SNX29: variants seen among roughly 807,000 people sequenced by gnomAD.
The protein encoded by SNX29 is sorting nexin 29, also known as sorting nexin-29.
Under a neutral mutation model 102.1 loss-of-function variants are expected in SNX29, and 78 were observed. The ratio of observed to expected loss-of-function variants is 0.76; its 90% CI spans 0.64 to 0.92. The LOEUF (loss-of-function observed/expected upper bound fraction) is 0.92, where lower values mean the gene tolerates loss of function less well. Among genes scored for constraint, SNX29 ranks in the 40% least tolerant of loss-of-function variants. The probability of loss-of-function intolerance (pLI) is 0.00; values close to 1 mark genes in which losing one functional copy is unlikely to be tolerated. For synonymous variants in SNX29, 580 were observed against 414.5 expected (o/e 1.40, Z -4.85); for missense variants, 1,280 against 1,061.7 (o/e 1.21, Z -2.86).
At chr16:12,039,668 C>A (rs2057573416) in intron 4 of SNX29, among the ~76,000 whole-genome samples, 1 of 152,216 alleles carries the variant, frequency 6.6e-6, no homozygotes, top group Non-Finnish European at 1.5e-5. Context: ...CCAGGTCTGA[C>A]TGTAAAGACT....
intron 20 of SNX29, among the ~76,000 whole-genome samples, chr16:12,564,085 A>T (rs185670930): frequency 2.7e-5 from 4 of 149,882 alleles, no homozygotes; most frequent in East Asian, 4.1e-4. Flanking sequence ...GGAGTTTGTA[A>T]TATCTTTGTA....
At chr16:12,097,842 G>C (rs949242242) in intron 11 of SNX29, among the ~76,000 whole-genome samples, 1 of 152,192 alleles carries the variant, frequency 6.6e-6, no homozygotes, top group Non-Finnish European at 1.5e-5. Flanking sequence ...GTTTGAGCTG[G>C]GACAGCTCAG....
chr16:12,030,317 G>C (rs73515646), intron 4 of SNX29, among the ~76,000 whole-genome samples: 2,674 of 152,272 alleles, frequency 0.018, 77 homozygotes, highest in African/African-American at 0.06. Flanking sequence ...TCTGTCTCAT[G>C]AATGTCTCTA....
At chr16:12,263,817 C>G (rs1435518927) in intron 14 of SNX29, among the ~76,000 whole-genome samples, 1 of 152,064 alleles carries the variant, frequency 6.6e-6, no homozygotes, top group Non-Finnish European at 1.5e-5. Flanking sequence ...AGGTATTGGT[C>G]AGTAATTCAG....
rs369084160 is a variant in SNX29 at position 12,421,952 on chromosome 16, C to G, written c.2037+18423C>G. On this transcript the variant is annotated intron_variant, in intron 18 of 20. Transcript: ENST00000566228. The stretch of plus-strand genomic sequence containing the variant: ...TCATCCGTCCATCATCCATCACCAT[C>G]ATCAACCACCCATCACAGGCATCAT... 4.6e-5 allele frequency among the ~76,000 whole-genome samples: 7 copies of G among 152,038 alleles called. No homozygotes were observed. In the South Asian group the frequency reaches 8.3e-4, roughly 18 times the overall value.
At chr16:12,250,410 C>T (rs1273984592) in intron 14 of SNX29, among the ~76,000 whole-genome samples, 1 of 152,176 alleles carries the variant, frequency 6.6e-6, no homozygotes, top group Non-Finnish European at 1.5e-5. Context: ...GCCATTCGGC[C>T]TCATGTTGCA....
chr16:12,238,012 A>G (rs1344645591), intron 14 of SNX29, among the ~76,000 whole-genome samples: 1 of 152,224 alleles, frequency 6.6e-6, no homozygotes, highest in African/African-American at 2.4e-5. Context: ...TGACATGCAT[A>G]GCAGCTGAGG....
intron 14 of SNX29, among the ~76,000 whole-genome samples, chr16:12,232,812 C>G (rs1567338920): frequency 6.6e-6 from 1 of 152,208 alleles, no homozygotes; most frequent in Non-Finnish European, 1.5e-5. Context: ...GAAGTCAGCA[C>G]ACATTGGTCC....
chr16:12,412,678 T>C (rs890589161), intron 18 of SNX29, among the ~76,000 whole-genome samples: 7 of 152,248 alleles, frequency 4.6e-5, no homozygotes, highest in African/African-American at 1.7e-4. Flanking sequence ...TGCATGTGTT[T>C]TTGTGTGTGT....
At chr16:12,483,880 C>G (rs2088096204) in intron 19 of SNX29, among the ~76,000 whole-genome samples, 1 of 152,178 alleles carries the variant, frequency 6.6e-6, no homozygotes, top group African/African-American at 2.4e-5. Context: ...CATGGAAATT[C>G]CACTTGCATT....
At chr16:12,555,284 C>T (rs2078260513) in intron 20 of SNX29, among the ~76,000 whole-genome samples, 1 of 151,416 alleles carries the variant, frequency 6.6e-6, no homozygotes, top group South Asian at 2.1e-4. Context: ...TCCCAGAGAG[C>T]AGGGGTGCTG....
chr16:12,292,145 C>G (rs1291413078), intron 15 of SNX29, among the ~76,000 whole-genome samples: 1 of 151,996 alleles, frequency 6.6e-6, no homozygotes, highest in Non-Finnish European at 1.5e-5. Flanking sequence ...AGGACCTTGC[C>G]AGTGAGACAG....
At position 12,571,299 on chromosome 16, in the gene SNX29, T is replaced by C. The variant is rs1001639819; in HGVS notation, c.*2670T>C. 8.6e-6 allele frequency: 2 copies of C among 231,890 alleles called. No individual in the cohort carries two copies. The highest frequency in any genetic ancestry group is 1.7e-5 in the Non-Finnish European group (2 of 117,232). The allele number at this position is 231,890 out of a possible 1,614,324, so 14.4% of individuals were successfully genotyped here. A position where few individuals can be genotyped will look rare whatever the true frequency, so the allele number is the denominator to read the frequency against. The stretch of plus-strand genomic sequence containing the variant: ...AACCTGGTGCCCAAATTCCACACCC[T>C]GGAAATGTGTCAACTGCCTGTCAGC... On this transcript the variant is annotated 3_prime_UTR_variant, in exon 21 of 21. Transcript: ENST00000566228.
At position 12,476,417 on chromosome 16, in the gene SNX29, T is replaced by TACAC. The variant is rs1363979247; in HGVS notation, c.2038-1301_2038-1300insCACA. On this transcript the variant is annotated intron_variant, in intron 18 of 20. Coordinates refer to ENST00000566228, the MANE Select transcript of SNX29 (RefSeq NM_032167.5). ...ATATATATATATATATATATACATA[T>TACAC]ATATATATATATATATATATATATA... Among the ~76,000 whole-genome samples, 32 of 23,960 alleles carry TACAC rather than the reference T, an allele frequency of 1.3e-3. 1 individual carries two copies. Among genetic ancestry groups the TACAC allele is most frequent in the Non-Finnish European group, 1.5e-3 (22 of 14,222 alleles). The allele number at this position is 23,960 out of a possible 152,430, so 15.7% of individuals were successfully genotyped here.
At chr16:12,055,115 C>A (rs539403355) in intron 8 of SNX29, among the ~76,000 whole-genome samples, 1 of 152,016 alleles carries the variant, frequency 6.6e-6, no homozygotes, top group East Asian at 1.9e-4. Flanking sequence ...CTGAGGCGGA[C>A]GTTCTGTGTG....
chr16:12,399,080 A>G (rs2151494822), intron 17 of SNX29, among the ~76,000 whole-genome samples: 1 of 152,118 alleles, frequency 6.6e-6, no homozygotes, highest in East Asian at 1.9e-4. Flanking sequence ...TTTGAGATAG[A>G]ATCTCTGTCG....
At chr16:12,455,538 C>A (rs1378027650) in intron 18 of SNX29, among the ~76,000 whole-genome samples, 2 of 152,244 alleles carry the variant, frequency 1.3e-5, no homozygotes, top group African/African-American at 2.4e-5. Flanking sequence ...TCTCTTCCCT[C>A]CCTGAGTTGT....
intron 16 of SNX29, chr16:12,376,178 G>GGGT (rs1207588845): frequency 4.0e-5 from 6 of 151,042 alleles, no homozygotes; most frequent in African/African-American, 1.4e-4. Flanking sequence ...CGGAGCCACG[G>GGGT]GGTCTGTTTT....
chr16:12,067,702 G>T (rs752384866), intron 9 of SNX29, among the ~76,000 whole-genome samples: 1 of 152,172 alleles, frequency 6.6e-6, no homozygotes, highest in Non-Finnish European at 1.5e-5. Flanking sequence ...TAGCCAGGCT[G>T]GTCTCGAACT....
Sources: allele counts gnomAD v4.1 joint callset (sites outside exome capture counted in the v4.1 genomes callset), GRCh38; gene constraint gnomAD v4.1.1; transcripts MANE v1.5; gene names NCBI Gene and HGNC (gene_info 2026-07-23, HGNC 2026-07-21).